Variants in ROBO2 observed in about 807,000 individuals in gnomAD.
ROBO2 encodes roundabout homolog 2.
In ROBO2, 53 loss-of-function variants were observed where a neutral mutation model predicts 160.8. The observed-to-expected ratio is 0.33, with a 90% confidence interval of 0.26 to 0.41. The LOEUF (loss-of-function observed/expected upper bound fraction) is 0.41, where lower values mean the gene tolerates loss of function less well. Ranked by LOEUF, ROBO2 falls within the 10% of genes least tolerant of loss-of-function variation. The pLI, the probability that ROBO2 is intolerant of heterozygous loss-of-function variation, is 1.00. For synonymous variants in ROBO2, 664 were observed against 611.7 expected (o/e 1.09, Z -1.26); for missense variants, 1,577 against 1,722.4 (o/e 0.92, Z 1.49).
At chr3:76,065,154 T>C (rs2068209880) in intron 2 of ROBO2, among the ~76,000 whole-genome samples, 1 of 152,164 alleles carries the variant, frequency 6.6e-6, no homozygotes, top group Non-Finnish European at 1.5e-5. Flanking sequence ...ATTTCATTAA[T>C]GTAGTGATAG....
At chr3:77,544,244 C>T (rs544658677) in intron 6 of ROBO2, among the ~76,000 whole-genome samples, 7 of 151,562 alleles carry the variant, frequency 4.6e-5, no homozygotes, top group South Asian at 2.1e-4. Flanking sequence ...TATGAGAAAA[C>T]ATGGAACAAA....
chr3:76,434,161 T>C (rs961444272), intron 2 of ROBO2: 47 of 1,163,058 alleles, frequency 4.0e-5, no homozygotes, highest in Non-Finnish European at 5.3e-5. Context: ...GCTGGTCCTG[T>C]GGCAGAGTAT....
intron 4 of ROBO2, among the ~76,000 whole-genome samples, chr3:77,485,324 A>G (rs2085216927): frequency 6.6e-6 from 1 of 152,146 alleles, no homozygotes; most frequent in African/African-American, 2.4e-5. Context: ...ATTTTTGCTC[A>G]GAGTATTACA....
At chr3:76,294,315 G>T (rs1021125775) in intron 2 of ROBO2, among the ~76,000 whole-genome samples, 3 of 152,238 alleles carry the variant, frequency 2.0e-5, no homozygotes, top group Non-Finnish European at 2.9e-5. Flanking sequence ...AGAAGGGAAA[G>T]AGCTCCGGCC....
chr3:77,341,314 T>A (rs2067032787), intron 2 of ROBO2, among the ~76,000 whole-genome samples: 1 of 152,138 alleles, frequency 6.6e-6, no homozygotes, highest in African/African-American at 2.4e-5. Context: ...CTTTTCTTAG[T>A]CACAAGGGAA....
intron 2 of ROBO2, among the ~76,000 whole-genome samples, chr3:77,287,547 A>G (rs1001128830): frequency 6.6e-6 from 1 of 152,162 alleles, no homozygotes; most frequent in Non-Finnish European, 1.5e-5. Context: ...TTTCTTTCAC[A>G]TCTTTAGACC....
At chr3:77,057,305 C>T (rs978225027) in intron 1 of ROBO2, among the ~76,000 whole-genome samples, 2 of 152,046 alleles carry the variant, frequency 1.3e-5, no homozygotes, top group Non-Finnish European at 2.9e-5. Context: ...ACACTGGGGC[C>T]TGTCATGGGG....
At chr3:77,232,210 T>G (rs2087306879) in intron 2 of ROBO2, among the ~76,000 whole-genome samples, 1 of 152,194 alleles carries the variant, frequency 6.6e-6, no homozygotes, top group African/African-American at 2.4e-5. Context: ...GAAACATAAA[T>G]AATATAATTT....
At chr3:75,910,402 G>A (rs1250041567) in intron 1 of ROBO2, among the ~76,000 whole-genome samples, 1 of 152,160 alleles carries the variant, frequency 6.6e-6, no homozygotes, top group Admixed American at 6.5e-5. Context: ...TACAAGATAT[G>A]AATTAATTTT....
chr3:77,076,579 A>G (rs897400857), intron 1 of ROBO2, among the ~76,000 whole-genome samples: 1 of 152,154 alleles, frequency 6.6e-6, no homozygotes, highest in East Asian at 1.9e-4. Flanking sequence ...CCAACCACCT[A>G]TAAATTATTT....
chr3:76,959,393 T>C (rs748822188), intron 2 of ROBO2, among the ~76,000 whole-genome samples: 37 of 152,348 alleles, frequency 2.4e-4, no homozygotes, highest in Non-Finnish European at 5.0e-4. Context: ...CGGAACTGTC[T>C]ACTACTTTGG....
intron 2 of ROBO2, among the ~76,000 whole-genome samples, chr3:76,365,397 T>C (rs1285123854): frequency 1.3e-5 from 2 of 152,106 alleles, no homozygotes; most frequent in African/African-American, 2.4e-5. Context: ...TGTTTTGAAA[T>C]TCTGTAAGAG....
At chr3:76,078,772 T>A (rs1181767528) in intron 2 of ROBO2, among the ~76,000 whole-genome samples, 1 of 152,098 alleles carries the variant, frequency 6.6e-6, no homozygotes, top group Non-Finnish European at 1.5e-5. Context: ...GTAATTGGAG[T>A]AGATAATATA....
At chr3:77,474,851 T>C (rs1181354014) in intron 2 of ROBO2, among the ~76,000 whole-genome samples, 2 of 152,168 alleles carry the variant, frequency 1.3e-5, no homozygotes, top group Non-Finnish European at 2.9e-5. Context: ...CAGAAATGAA[T>C]AATTAGCACA....
intron 17 of ROBO2, 137 bp downstream of exon 18, chr3:77,589,070 C>T: frequency 1.1e-6 from 1 of 940,942 alleles, no homozygotes; most frequent in Non-Finnish European, 1.7e-6. Context: ...CAATTACACT[C>T]AACATGCTTT....
At chr3:76,254,995 A>T (rs1010216408) in intron 2 of ROBO2, among the ~76,000 whole-genome samples, 1 of 152,100 alleles carries the variant, frequency 6.6e-6, no homozygotes, top group South Asian at 2.1e-4. Flanking sequence ...TTGATGAACT[A>T]TTGAAGCAAG....
intron 2 of ROBO2, among the ~76,000 whole-genome samples, chr3:76,921,373 A>G (rs1559706170): frequency 6.6e-6 from 1 of 152,158 alleles, no homozygotes; most frequent in Non-Finnish European, 1.5e-5. Flanking sequence ...GCACTTTGGG[A>G]GGAAGAGGCA....
intron 5 of ROBO2, among the ~76,000 whole-genome samples, chr3:77,522,012 CAT>C (rs1435959502): frequency 6.6e-6 from 1 of 151,058 alleles, no homozygotes; most frequent in African/African-American, 2.4e-5. Flanking sequence ...GGAAAGATCA[CAT>C]GTGAAAAAAA....
At chr3:75,914,168 T>TGCAG (rs1946714139) in intron 1 of ROBO2, among the ~76,000 whole-genome samples, 1 of 152,202 alleles carries the variant, frequency 6.6e-6, no homozygotes, top group African/African-American at 2.4e-5. Flanking sequence ...CTGGTTATTG[T>TGCAG]GCAGGGAGCA....
Sources: allele counts gnomAD v4.1 joint callset (sites outside exome capture counted in the v4.1 genomes callset), GRCh38; gene constraint gnomAD v4.1.1; transcripts MANE v1.5; gene names NCBI Gene and HGNC (gene_info 2026-07-23, HGNC 2026-07-21).